TBC1D19: variants seen among roughly 807,000 people sequenced by gnomAD.
TBC1D19 encodes the protein TBC1 domain family, member 19.
Under a neutral mutation model 89.0 loss-of-function variants are expected in TBC1D19, and 60 were observed. That is an observed-to-expected ratio of 0.67 (90% CI 0.55 to 0.84). TBC1D19 has a LOEUF of 0.84. Ranked by LOEUF, TBC1D19 falls within the 40% of genes least tolerant of loss-of-function variation. The probability of loss-of-function intolerance (pLI) is 0.00; values close to 1 mark genes in which losing one functional copy is unlikely to be tolerated. For missense variants in TBC1D19, 500 were observed against 610.8 expected, an observed-to-expected ratio of 0.82 and a Z score of 1.91; for synonymous variants, 189 against 199.7, an observed-to-expected ratio of 0.95 and a Z score of 0.45.
At chr4:26,841,498 A>G in the TBC1D19 span, among the ~76,000 whole-genome samples, 1 of 152,084 alleles carries the variant, frequency 6.6e-6, no homozygotes, top group Admixed American at 6.5e-5. Context: ...GGGATTGCCC[A>G]TCTGCTATGG....
chr4:26,635,951 G>A (rs1274526739), intron 4 of TBC1D19, among the ~76,000 whole-genome samples: 1 of 152,064 alleles, frequency 6.6e-6, no homozygotes, highest in Non-Finnish European at 1.5e-5. Context: ...TGTGTGTGTT[G>A]AAGAAGCTAT....
At chr4:26,675,007 T>C (rs1712666050) in intron 11 of TBC1D19, among the ~76,000 whole-genome samples, 3 of 152,082 alleles carry the variant, frequency 2.0e-5, no homozygotes, top group Admixed American at 2.0e-4. Context: ...TGTGAAACAA[T>C]AAAGCTTGCA....
At chr4:26,754,601 A>G (rs1719159932) in intron 20 of TBC1D19, among the ~76,000 whole-genome samples, 1 of 152,214 alleles carries the variant, frequency 6.6e-6, no homozygotes, top group East Asian at 1.9e-4. Context: ...AGCAAGTTGA[A>G]ATGTTAAACC....
the TBC1D19 span, among the ~76,000 whole-genome samples, chr4:26,833,198 T>TA: frequency 6.6e-6 from 1 of 152,010 alleles, no homozygotes; most frequent in Non-Finnish European, 1.5e-5. Flanking sequence ...TAGGTTGACA[T>TA]GAGGAATCAG....
intron 16 of TBC1D19, among the ~76,000 whole-genome samples, chr4:26,736,568 A>T (rs560818162): frequency 6.6e-6 from 1 of 152,218 alleles, no homozygotes; most frequent in Non-Finnish European, 1.5e-5. Context: ...ATACTGTGAA[A>T]ATGGTCCTGT....
intron 11 of TBC1D19, among the ~76,000 whole-genome samples, chr4:26,679,954 C>T (rs964057451): frequency 6.6e-6 from 1 of 152,180 alleles, no homozygotes; most frequent in African/African-American, 2.4e-5. Context: ...TCATAATCCC[C>T]ACATGTCATG....
upstream of TBC1D19, among the ~76,000 whole-genome samples, chr4:26,581,411 T>C (rs1289157110): frequency 6.6e-6 from 1 of 152,140 alleles, no homozygotes; most frequent in African/African-American, 2.4e-5. Context: ...GTGTGTGATG[T>C]TCCCCTCCCT....
chr4:26,592,695 C>T (rs1328516143), intron 1 of TBC1D19, among the ~76,000 whole-genome samples: 1 of 150,994 alleles, frequency 6.6e-6, no homozygotes, highest in Non-Finnish European at 1.5e-5. Context: ...ACACCAATAA[C>T]AGACAAACAG....
chr4:26,699,963 G>C (rs1435517605), intron 13 of TBC1D19, among the ~76,000 whole-genome samples: 3 of 151,640 alleles, frequency 2.0e-5, no homozygotes, highest in African/African-American at 7.3e-5. Context: ...GTATACATAT[G>C]TAACAAGCCT....
At chr4:26,654,734 T>G (rs1200407312) in intron 7 of TBC1D19, among the ~76,000 whole-genome samples, 1 of 152,232 alleles carries the variant, frequency 6.6e-6, no homozygotes, top group African/African-American at 2.4e-5. Context: ...CATCAGGTCC[T>G]TTAAGGACTT....
chr4:26,803,463 G>A, the TBC1D19 span, among the ~76,000 whole-genome samples: 1 of 152,102 alleles, frequency 6.6e-6, no homozygotes, highest in Non-Finnish European at 1.5e-5. Flanking sequence ...GCGTAAAATC[G>A]ATGAGCACAA....
chr4:26,579,273 A>G (rs1739025206), upstream of TBC1D19, among the ~76,000 whole-genome samples: 1 of 152,202 alleles, frequency 6.6e-6, no homozygotes. Flanking sequence ...AAGAAACCAT[A>G]CATTCTTCTA....
At chr4:26,749,600 C>T (rs1425786195) in intron 19 of TBC1D19, among the ~76,000 whole-genome samples, 1 of 152,048 alleles carries the variant, frequency 6.6e-6, no homozygotes, top group East Asian at 1.9e-4. Flanking sequence ...GCGCCTGCCA[C>T]CACACTCAGG....
At chr4:26,759,601 T>C (rs1719393613), downstream of TBC1D19, among the ~76,000 whole-genome samples, 1 of 152,126 alleles carries the variant, frequency 6.6e-6, no homozygotes, top group African/African-American at 2.4e-5. Flanking sequence ...AAATAGTTCC[T>C]TTTGTGCCCC....
intron 13 of TBC1D19, among the ~76,000 whole-genome samples, chr4:26,710,177 C>T (rs577595227): frequency 6.6e-6 from 1 of 152,158 alleles, no homozygotes; most frequent in South Asian, 2.1e-4. Flanking sequence ...GCTATCCCTC[C>T]CCTCTCCCCC....
chr4:26,759,701 C>T (rs540409120), downstream of TBC1D19, among the ~76,000 whole-genome samples: 41 of 152,294 alleles, frequency 2.7e-4, no homozygotes, highest in South Asian at 1.5e-3. Context: ...TAGAGTTTCA[C>T]GTAAATGGAA....
chr4:26,843,052 A>T, the TBC1D19 span, among the ~76,000 whole-genome samples: 2 of 151,980 alleles, frequency 1.3e-5, no homozygotes, highest in Non-Finnish European at 2.9e-5. Flanking sequence ...ACGTTTCTAC[A>T]GCTATCTGGG....
Position 26,614,399 on chromosome 4 carries a change from A to T in TBC1D19, c.173-9A>T. On this transcript the variant is annotated splice_polypyrimidine_tract_variant and intron_variant, in intron 2 of 20. Coordinates refer to ENST00000264866, the MANE Select transcript of TBC1D19 (RefSeq NM_018317.4). The stretch of plus-strand genomic sequence containing the variant: ...TGTTCATATATTTTATTCTTTTTTT[A>T]AAAAACAGGTTGGGAGAAGAAACTT... 1 of 1,574,204 alleles carries T rather than the reference A, an allele frequency of 6.4e-7. No individual in the cohort carries two copies. Among genetic ancestry groups the T allele is most frequent in the Non-Finnish European group, 8.6e-7 (1 of 1,158,434 alleles).
intron 1 of TBC1D19, among the ~76,000 whole-genome samples, chr4:26,605,826 T>A (rs563379658): frequency 2.6e-5 from 4 of 152,346 alleles, no homozygotes; most frequent in African/African-American, 4.8e-5. Context: ...ATTTTTTTCA[T>A]GTGTTTTTTG....
Sources: allele counts gnomAD v4.1 joint callset (sites outside exome capture counted in the v4.1 genomes callset), GRCh38; gene constraint gnomAD v4.1.1; transcripts MANE v1.5; gene names NCBI Gene and HGNC (gene_info 2026-07-23, HGNC 2026-07-21).